IL12RB1: variants seen among roughly 807,000 people sequenced by gnomAD.
IL12RB1 encodes the protein interleukin-12 receptor subunit beta-1.
IL12RB1 carries 64 observed loss-of-function variants against 94.4 expected under a neutral mutation model. That is an observed-to-expected ratio of 0.68 (90% CI 0.55 to 0.83). IL12RB1 has a LOEUF of 0.83. Among genes scored for constraint, IL12RB1 ranks in the 40% least tolerant of loss-of-function variants. The pLI is 0.00. For missense variants in IL12RB1, 814 were observed against 855.6 expected, an observed-to-expected ratio of 0.95 and a Z score of 0.61; for synonymous variants, 362 against 355.5, an observed-to-expected ratio of 1.02 and a Z score of -0.21.
At position 18,073,422 on chromosome 19, in the gene IL12RB1, C is replaced by G. The variant is rs561392896; in HGVS notation, c.783+95G>C. The stretch of plus-strand genomic sequence containing the variant: ...ACTTCCTGCCACCTCTACATCTCAT[C>G]TCCCTCCATCTACCACTTGCTCATC... On this transcript the variant is annotated intron_variant, in intron 8 of 16. Transcript: ENST00000593993. The G allele has an allele frequency of 7.5e-6, 6 of 798,340 alleles. No homozygotes were observed. The East Asian group carries it at 1.2e-4, about 17-fold the overall frequency. The allele number at this position is 798,340 out of a possible 1,614,324, so 49.5% of individuals were successfully genotyped here.
At position 18,094,643 on chromosome 19, in the gene IL12RB1, C is replaced by T. The variant is rs1370419615; in HGVS notation, c.-229-3874G>A. Among the ~76,000 whole-genome samples, 5 of 152,122 alleles carry T rather than the reference C, an allele frequency of 3.3e-5. 1 individual carries two copies. The highest frequency in any genetic ancestry group is 2.6e-4 in the Admixed American group (4 of 15,260). On this transcript the variant is annotated intron_variant, in intron 1 of 4. Coordinates refer to the IL12RB1 transcript ENST00000594176. ...CGTTGGGAAGCCAAGGCAGGAGGAT[C>T]GCTTGAGCCCAAGATTTTGAGATCA... is the stretch of plus-strand genomic sequence containing the variant.
chr19:18,091,476 C>T (rs1429767205), upstream of IL12RB1: 1 of 152,228 alleles, frequency 6.6e-6, no homozygotes, highest in African/African-American at 2.4e-5. Flanking sequence ...GGGAGAGAGA[C>T]CTTCAGCCCG....
intron 1 of IL12RB1, among the ~76,000 whole-genome samples, chr19:18,093,439 AGCACTCCTTCTTGC>A: frequency 6.6e-6 from 1 of 151,940 alleles, no homozygotes; most frequent in Admixed American, 6.6e-5. Context: ...TCACTCAATA[AGCACTCCTTCTTGC>A]CCACTGAGGG....
chr19:18,068,621 A>C (rs1026859419), intron 10 of IL12RB1, 95 bp from the exon 11 acceptor site: 4 of 1,007,728 alleles, frequency 4.0e-6, no homozygotes, highest in Non-Finnish European at 6.3e-6. Context: ...AACCCCCAGA[A>C]AACTCCTACT....
In IL12RB1 at chr19:18,080,732, A is replaced by G. The variant is rs2035837458; in HGVS notation, c.409+100T>C. The G allele has an allele frequency of 6.1e-6, 5 of 823,790 alleles. No individual in the cohort carries two copies. In the African/African-American group the frequency reaches 8.3e-5, roughly 14 times the overall value. 51.0% of individuals were successfully genotyped at this position (823,790 alleles called of 1,614,324 possible). A position where few individuals can be genotyped will look rare whatever the true frequency, so the allele number is the denominator to read the frequency against. ...TGAAGTGACAATGGCTAGTAGTATC[A>G]AGTCCCTTGCCAAGGGCCAGGAATC... On this transcript the variant is annotated intron_variant, in intron 4 of 16. Transcript: ENST00000593993.
At chr19:18,059,840 CA>C in intron 16 of IL12RB1, 53 bp downstream of exon 16, 1 of 1,053,724 alleles carries the variant, frequency 9.5e-7, no homozygotes, top group Admixed American at 2.0e-5. Flanking sequence ...CTAGCCCCCC[CA>C]CCCCCCGGGC....
At chr19:18,066,726 CACCAAG>C in intron 11 of IL12RB1, 29 bp from the exon 12 acceptor site, 2 of 1,592,710 alleles carry the variant, frequency 1.3e-6, no homozygotes, top group Non-Finnish European at 8.6e-7. Context: ...TCATAGTCAA[CACCAAG>C]AATGCTGGTC....
At position 18,059,975 on chromosome 19, in the gene IL12RB1, C is replaced by T. The variant is rs2146060829; in HGVS notation, c.1902G>A (p.Lys634=). ...CAGGGGCACCCTCAGGTAGCTCTGT[C>T]TTCTCGAGAGGCTCAGTCCTCTCGC... ...DKGERTEPLE[K]TELPEGAPEL... Residue 634 remains lysine, a synonymous_variant, in exon 16 of 17, where the codon AAG becomes AAA. Coordinates refer to ENST00000593993, the MANE Select transcript of IL12RB1 (RefSeq NM_005535.3). 1.2e-6 allele frequency: 2 copies of T among 1,600,748 alleles called. No individual in the cohort carries two copies. Among genetic ancestry groups the T allele is most frequent in the Non-Finnish European group, 1.7e-6 (2 of 1,172,694 alleles).
At chr19:18,074,245 C>G (rs2035284814) in intron 7 of IL12RB1, among the ~76,000 whole-genome samples, 1 of 152,156 alleles carries the variant, frequency 6.6e-6, no homozygotes, top group African/African-American at 2.4e-5. Flanking sequence ...CTCCTGGCCT[C>G]AAACAATCCT....
At chr19:18,095,821 C>T (rs2036861417) in intron 1 of IL12RB1, among the ~76,000 whole-genome samples, 1 of 151,942 alleles carries the variant, frequency 6.6e-6, no homozygotes, top group South Asian at 2.1e-4. Flanking sequence ...GTGACCCTTC[C>T]TAGGGTCCCC....
At chr19:18,067,326 GAAAA>G (rs57327846) in intron 11 of IL12RB1, among the ~76,000 whole-genome samples, 44 of 82,606 alleles carry the variant, frequency 5.3e-4, no homozygotes, top group African/African-American at 1.9e-3. Flanking sequence ...TCTGTCTCAA[GAAAA>G]AAAAAAAAAA....
chr19:18,076,921 T>G (rs1368414690), intron 5 of IL12RB1, among the ~76,000 whole-genome samples: 1 of 152,184 alleles, frequency 6.6e-6, no homozygotes, highest in Non-Finnish European at 1.5e-5. Context: ...GAAAAATTGG[T>G]GACATTCAAA....
intron 12 of IL12RB1, among the ~76,000 whole-genome samples, chr19:18,065,992 T>C (rs899041303): frequency 1.1e-4 from 16 of 149,174 alleles, no homozygotes; most frequent in African/African-American, 3.9e-4. Flanking sequence ...TGAGCTATGA[T>C]GGCACCACTG....
chr19:18,093,612 C>G (rs533392174), intron 1 of IL12RB1, among the ~76,000 whole-genome samples: 33 of 152,200 alleles, frequency 2.2e-4, no homozygotes, highest in African/African-American at 7.2e-4. Context: ...CAGTCAAAGC[C>G]CCAGGGAGGG....
chr19:18,067,326 GAAAAAAA>G lies in IL12RB1; in HGVS notation c.1328-636_1328-630del, dbSNP rs57327846. 2.2e-3 allele frequency among the ~76,000 whole-genome samples: 185 copies of G among 82,600 alleles called. 1 individual carries two copies. The South Asian group carries it at 0.023, about 10-fold the overall frequency. 54.2% of individuals were successfully genotyped at this position (82,600 alleles called of 152,430 possible). A position where few individuals can be genotyped will look rare whatever the true frequency, so the allele number is the denominator to read the frequency against. ...GCCACAGAGAGTGACTCTGTCTCAA[GAAAAAAA>G]AAAAAAAAAAAAAAAAAGGAGTGCT... On this transcript the variant is annotated intron_variant, in intron 11 of 16. Coordinates refer to ENST00000593993, the MANE Select transcript of IL12RB1 (RefSeq NM_005535.3).
At chr19:18,059,811 T>C in intron 16 of IL12RB1, 83 bp downstream of exon 16, 3 of 811,972 alleles carry the variant, frequency 3.7e-6, no homozygotes, top group Middle Eastern at 2.2e-4. Flanking sequence ...GGCCCTGATA[T>C]CCCAGGAGCG....
chr19:18,092,836 G>A (rs985667067), intron 1 of IL12RB1, among the ~76,000 whole-genome samples: 1 of 152,010 alleles, frequency 6.6e-6, no homozygotes, highest in African/African-American at 2.4e-5. Flanking sequence ...AGACTCAGGA[G>A]GTTACCAAGA....
chr19:18,059,858 G>T (rs779222722), intron 16 of IL12RB1, 36 bp downstream of exon 16: 58 of 1,195,172 alleles, frequency 4.9e-5, no homozygotes, highest in African/African-American at 7.6e-5. Flanking sequence ...GGGCAGGGTT[G>T]CACCCCTGAC....
intron 7 of IL12RB1, among the ~76,000 whole-genome samples, chr19:18,075,362 G>A (rs1455022019): frequency 2.0e-5 from 3 of 151,514 alleles, no homozygotes; most frequent in Non-Finnish European, 4.4e-5. Context: ...CCGGGTTCAA[G>A]GGATTCTCCT....
Sources: gnomAD v4.1 joint callset for allele counts (sites outside exome capture counted in the v4.1 genomes callset) on GRCh38, gnomAD v4.1.1 for gene constraint, MANE v1.5 for transcripts, NCBI Gene and HGNC (gene_info 2026-07-23, HGNC 2026-07-21) for gene names.